SPATA13: variants seen among roughly 807,000 people sequenced by gnomAD.
SPATA13 encodes spermatogenesis associated 13.
Under a neutral mutation model 104.0 loss-of-function variants are expected in SPATA13, and 50 were observed. That is an observed-to-expected ratio of 0.48 (90% CI 0.38 to 0.61). SPATA13 has a LOEUF of 0.61. Ranked by LOEUF, SPATA13 falls within the 20% of genes least tolerant of loss-of-function variation. The probability of loss-of-function intolerance (pLI) is 0.00; values close to 1 mark genes in which losing one functional copy is unlikely to be tolerated. For missense variants in SPATA13, 1,524 were observed against 1,690.6 expected (o/e 0.90, Z 1.73); for synonymous variants, 606 against 667.5 (o/e 0.91, Z 1.42).
rs759913071 is a variant in SPATA13 at position 24,067,182 on chromosome 13, A to G, written c.-112+49481A>G. Among the ~76,000 whole-genome samples, 27 of 152,158 alleles carry G rather than the reference A, an allele frequency of 1.8e-4. No individual in the cohort carries two copies. In the South Asian group the frequency reaches 1.9e-3, roughly 11 times the overall value. ...AGGCACTGCTGCCTGCCCAATCTTT[A>G]CACTTCAGTCTCAGTCTTCACACTT... On this transcript the variant is annotated intron_variant, in intron 3 of 14. Coordinates refer to the SPATA13 transcript ENST00000424834.
At chr13:24,268,090 G>A (rs1038967971) in intron 4 of SPATA13, among the ~76,000 whole-genome samples, 7 of 152,176 alleles carry the variant, frequency 4.6e-5, no homozygotes, top group South Asian at 2.1e-4. Context: ...AGTAATATGT[G>A]TTGTCATAAA....
chr13:24,295,040 C>T (rs571019186), intron 10 of SPATA13, among the ~76,000 whole-genome samples, 172 bp downstream of exon 10: 53 of 152,238 alleles, frequency 3.5e-4, no homozygotes, highest in African/African-American at 1.2e-3. Flanking sequence ...ATTTAACAGT[C>T]GACTACTTTA....
At chr13:24,156,297 C>T (rs936189821), upstream of SPATA13, among the ~76,000 whole-genome samples, 5 of 152,124 alleles carry the variant, frequency 3.3e-5, no homozygotes, top group African/African-American at 4.8e-5. Context: ...AGCGTGAGAC[C>T]GTTTATTCTC....
chr13:24,086,942 G>A (rs867533249), intron 3 of SPATA13, among the ~76,000 whole-genome samples: 1 of 152,164 alleles, frequency 6.6e-6, no homozygotes, highest in African/African-American at 2.4e-5. Context: ...AAACAGACCC[G>A]GTCTCTAATC....
chr13:24,127,075 G>C (rs769318111), intron 3 of SPATA13, among the ~76,000 whole-genome samples: 14 of 152,160 alleles, frequency 9.2e-5, no homozygotes, highest in Non-Finnish European at 1.8e-4. Context: ...CCTCCTTAAA[G>C]CATTGAGGAT....
intron 3 of SPATA13, among the ~76,000 whole-genome samples, chr13:24,099,952 T>G (rs1317070054): frequency 2.6e-5 from 4 of 152,120 alleles, no homozygotes; most frequent in Non-Finnish European, 5.9e-5. Flanking sequence ...AGGGCAATGA[T>G]TTTTAGTGGA....
intron 3 of SPATA13, among the ~76,000 whole-genome samples, chr13:24,109,208 G>A (rs1197049075): frequency 6.6e-6 from 1 of 152,152 alleles, no homozygotes; most frequent in Non-Finnish European, 1.5e-5. Context: ...AACATGCGGT[G>A]TTTGGTTTTC....
intron 4 of SPATA13, chr13:24,270,675 G>C: frequency 7.1e-7 from 1 of 1,407,918 alleles, no homozygotes; most frequent in East Asian, 2.5e-5. Context: ...ACGGAGTGTG[G>C]AGCCAGCTGT....
intron 1 of SPATA13, among the ~76,000 whole-genome samples, chr13:24,170,098 C>G (rs904070899): frequency 5.3e-5 from 8 of 152,202 alleles, no homozygotes; most frequent in Admixed American, 1.3e-4. Flanking sequence ...CTTCAGTTTA[C>G]CACATTAGGC....
intron 3 of SPATA13, among the ~76,000 whole-genome samples, chr13:24,137,564 A>G (rs991877668): frequency 1.3e-5 from 2 of 152,190 alleles, no homozygotes; most frequent in Admixed American, 1.3e-4. Flanking sequence ...GTTTGAGGCC[A>G]GTCCGGCCAA....
chr13:24,255,498 C>G (rs1185352633), intron 4 of SPATA13, among the ~76,000 whole-genome samples: 2 of 152,164 alleles, frequency 1.3e-5, no homozygotes, highest in Non-Finnish European at 2.9e-5. Flanking sequence ...ACAGGTCAAA[C>G]CATTCAGATG....
chr13:24,056,983 G>A (rs1878573754), intron 3 of SPATA13, among the ~76,000 whole-genome samples: 1 of 135,864 alleles, frequency 7.4e-6, no homozygotes, highest in Admixed American at 7.5e-5. Context: ...TCGAGCCACA[G>A]ACACATCTGT....
intron 2 of SPATA13, among the ~76,000 whole-genome samples, chr13:23,994,753 A>G (rs1875597026): frequency 6.6e-6 from 1 of 152,202 alleles, no homozygotes; most frequent in South Asian, 2.1e-4. Context: ...TCAGTTTTGG[A>G]AACAGAAGAG....
In SPATA13 at chr13:24,286,714, A is replaced by C. The variant is rs371145532; in HGVS notation, c.2482-51A>C. 6.4e-7 allele frequency: 1 copy of C among 1,561,276 alleles called. No individual in the cohort carries two copies. The highest frequency in any genetic ancestry group is 1.2e-5 in the South Asian group (1 of 85,690). The stretch of plus-strand genomic sequence containing the variant: ...CTGGGAGGTCTCCTGCCTCTGCTCC[A>C]TGCTGCCCTCCCCTGCCCCAAGTCA... On this transcript the variant is annotated intron_variant, in intron 6 of 12. Transcript: ENST00000382108. The surrounding 1 kb of genome is among the most constrained non-coding windows in gnomAD (Gnocchi z 4.9).
intron 1 of SPATA13, among the ~76,000 whole-genome samples, chr13:24,212,815 G>A (rs2138591751): frequency 6.6e-6 from 1 of 152,358 alleles, no homozygotes; most frequent in East Asian, 1.9e-4. Context: ...TTACTTCATA[G>A]GTAAGGGCTC....
intron 11 of SPATA13, among the ~76,000 whole-genome samples, chr13:24,298,478 C>A (rs1209231563): frequency 6.6e-6 from 1 of 152,200 alleles, no homozygotes; most frequent in Non-Finnish European, 1.5e-5. Flanking sequence ...ACTGAAGCTG[C>A]CATGCCTGGC....
rs34668799 is a variant in SPATA13, at chr13:23,999,368, CAAAAAAA to C, written c.-147+15450_-147+15456del. Reference sequence around the variant, plus strand: ...TTAGAAACAGATCCTCATTTTCTACCAAAAAAAAAAAAAAAAAAAAAGCCTGTTCGGA... The same window carrying C: ...TTAGAAACAGATCCTCATTTTCTACCAAAAAAAAAAAAAAGCCTGTTCGGA... On this transcript the variant is annotated intron_variant, in intron 2 of 14. Coordinates refer to the SPATA13 transcript ENST00000424834. Among the ~76,000 whole-genome samples the C allele has an allele frequency of 2.8e-3, 266 of 94,396 alleles. 2 individuals are homozygous for C. The highest frequency in any genetic ancestry group is 9.8e-3 in the African/African-American group (239 of 24,302). 61.9% of individuals were successfully genotyped at this position (94,396 alleles called of 152,430 possible).
intron 4 of SPATA13, among the ~76,000 whole-genome samples, chr13:24,281,240 T>TC (rs1230909599): frequency 1.3e-5 from 2 of 152,176 alleles, no homozygotes; most frequent in African/African-American, 2.4e-5. Context: ...AATTTACTCC[T>TC]CCCCCTCCAA....
intron 9 of SPATA13, among the ~76,000 whole-genome samples, chr13:24,294,287 G>A (rs542665305): frequency 2.6e-4 from 39 of 152,212 alleles, no homozygotes; most frequent in African/African-American, 8.9e-4. Flanking sequence ...GTCCTTTCCC[G>A]AACAGCATAA....
Sources: gnomAD v4.1 joint callset for allele counts (sites outside exome capture counted in the v4.1 genomes callset) on GRCh38, gnomAD v4.1.1 for gene constraint, Gnocchi (gnomAD v3.1) non-coding constraint, MANE v1.5 for transcripts, NCBI Gene and HGNC (gene_info 2026-07-23, HGNC 2026-07-21) for gene names.